The following ADAMTS9 variants were observed in gnomAD, a reference collection of about 807,000 sequenced individuals.
ADAMTS9 encodes A disintegrin and metalloproteinase with thrombospondin motifs 9.
In ADAMTS9, 107 loss-of-function variants were observed where a neutral mutation model predicts 257.1. The observed-to-expected ratio is 0.42, with a 90% CI of 0.36 to 0.49. The LOEUF is 0.49. ADAMTS9 is among the 20% of genes least tolerant of loss of function. ADAMTS9 has a pLI of 0.03. For synonymous variants in ADAMTS9, 982 were observed against 880.9 expected (o/e 1.11, Z -2.03); for missense variants, 2,353 against 2,469.1 (o/e 0.95, Z 1.00).
intron 22 of ADAMTS9, among the ~76,000 whole-genome samples, chr3:64,611,646 A>C (rs1161879849): frequency 1.3e-5 from 2 of 152,304 alleles, no homozygotes; most frequent in South Asian, 2.1e-4. Flanking sequence ...TAAGGAGTTC[A>C]CAACCTAGAT....
Position 64,616,175 on chromosome 3 carries a change from G to C in ADAMTS9, c.2814-5C>G. 6.2e-7 allele frequency: 1 copy of C among 1,613,882 alleles called. No homozygotes were observed. The highest frequency in any genetic ancestry group is 2.2e-5 in the East Asian group (1 of 44,866). ...CTCCTGCTGGCAACATGCCACCTAT[G>C]CAAAAATAATGGGGCAAAACCAACA... is the stretch of plus-strand genomic sequence containing the variant. On this transcript the variant is annotated splice_polypyrimidine_tract_variant and splice_region_variant and intron_variant, in intron 19 of 39. Transcript: ENST00000498707.
intron 30 of ADAMTS9, among the ~76,000 whole-genome samples, chr3:64,560,823 T>G (rs756737079): frequency 8.5e-5 from 13 of 152,158 alleles, no homozygotes; most frequent in Non-Finnish European, 1.3e-4. Flanking sequence ...CAGCATGCAT[T>G]TTGTTTTTTA....
intron 21 of ADAMTS9, 29 bp downstream of exon 21, chr3:64,615,292 T>C: frequency 1.2e-6 from 2 of 1,609,454 alleles, no homozygotes; most frequent in Non-Finnish European, 1.7e-6. Context: ...AGAGATGACC[T>C]AGGGGAAATA....
rs1309692457 is a variant in ADAMTS9, at chr3:64,541,592, T to C, written c.5226A>G (p.Val1742=). The C allele has an allele frequency of 3.1e-6, 5 of 1,614,012 alleles. No individual in the cohort carries two copies. Among genetic ancestry groups the C allele is most frequent in the African/African-American group, 1.3e-5 (1 of 74,906 alleles). Residue 1742 remains valine (V), a synonymous_variant, in exon 34 of 40, where the codon GTA becomes GTG. Coordinates refer to ENST00000498707, the MANE Select transcript of ADAMTS9 (RefSeq NM_182920.2). ...NCELPQNCKE[V]KRLKGASEDG... ...CTTCACTGGCACCTTTAAGTCTTTT[T>C]ACCTCCTTGCAATTCTGGGGTAACT...
intron 3 of ADAMTS9, 110 bp downstream of exon 3, chr3:64,681,091 A>G (rs959440699): frequency 7.9e-7 from 1 of 1,269,022 alleles, no homozygotes; most frequent in African/African-American, 1.5e-5. Flanking sequence ...TGAATAAACA[A>G]TAATGCATAT....
intron 28 of ADAMTS9, chr3:64,592,534 T>C (rs2084282342): frequency 6.6e-6 from 1 of 152,194 alleles, no homozygotes; most frequent in Non-Finnish European, 1.5e-5. Flanking sequence ...TTAGCGTATT[T>C]AGAAAGTGTT....
chr3:64,577,324 T>G (rs532005589), intron 28 of ADAMTS9, among the ~76,000 whole-genome samples: 125 of 152,270 alleles, frequency 8.2e-4, no homozygotes, highest in African/African-American at 2.0e-3. Flanking sequence ...ACACATTGCC[T>G]GTTTTTGTAG....
At chr3:64,663,208 T>C (rs74408026) in intron 3 of ADAMTS9, among the ~76,000 whole-genome samples, 1,776 of 152,220 alleles carry the variant, frequency 0.012, 27 homozygotes, top group African/African-American at 0.039. Flanking sequence ...TCTGTGGATA[T>C]ACCAAAGAAT....
intron 31 of ADAMTS9, among the ~76,000 whole-genome samples, chr3:64,549,113 C>T (rs907340772): frequency 6.6e-6 from 1 of 152,124 alleles, no homozygotes; most frequent in African/African-American, 2.4e-5. Flanking sequence ...CCTTTCGGCC[C>T]CTCTCCCCTC....
intron 6 of ADAMTS9, 77 bp downstream of exon 6, chr3:64,655,495 GCTGA>G (rs1701045418): frequency 4.2e-6 from 5 of 1,181,108 alleles, no homozygotes; most frequent in South Asian, 2.6e-5. Flanking sequence ...TCCACTAGCA[GCTGA>G]CTATTAGGAA....
intron 12 of ADAMTS9, among the ~76,000 whole-genome samples, chr3:64,635,144 C>T (rs1559803085): frequency 6.6e-6 from 1 of 152,258 alleles, no homozygotes; most frequent in Non-Finnish European, 1.5e-5. Flanking sequence ...CTCTGAGCAC[C>T]GAGGCAGGAC....
chr3:64,551,410 A>C (rs2083270022), intron 30 of ADAMTS9, among the ~76,000 whole-genome samples: 1 of 151,952 alleles, frequency 6.6e-6, no homozygotes, highest in African/African-American at 2.4e-5. Flanking sequence ...AGGGTTTCAC[A>C]GTATTAGCCA....
At chr3:64,544,238 T>C (rs2083167232) in intron 32 of ADAMTS9, among the ~76,000 whole-genome samples, 1 of 152,192 alleles carries the variant, frequency 6.6e-6, no homozygotes, top group Non-Finnish European at 1.5e-5. Flanking sequence ...TACCAATGCC[T>C]TTCTTCACAG....
chr3:64,652,230 A>T (rs1276337927), intron 8 of ADAMTS9, among the ~76,000 whole-genome samples: 2 of 152,246 alleles, frequency 1.3e-5, no homozygotes, highest in Non-Finnish European at 2.9e-5. Flanking sequence ...TGCATCATAT[A>T]AAAGTTGGAA....
At chr3:64,663,229 T>TATTC (rs1180106500) in intron 3 of ADAMTS9, among the ~76,000 whole-genome samples, 9 of 152,244 alleles carry the variant, frequency 5.9e-5, no homozygotes, top group Middle Eastern at 3.4e-3. Context: ...CATTAAACTG[T>TATTC]ACAGTTTAAA....
chr3:64,569,947 T>C (rs1005806670), intron 28 of ADAMTS9, among the ~76,000 whole-genome samples: 1 of 152,188 alleles, frequency 6.6e-6, no homozygotes, highest in Non-Finnish European at 1.5e-5. Flanking sequence ...TTGATCTATA[T>C]AAAGACTTTG....
intron 12 of ADAMTS9, among the ~76,000 whole-genome samples, chr3:64,638,021 A>T (rs1051262330): frequency 6.6e-6 from 1 of 152,214 alleles, no homozygotes. Context: ...TGAAATAGAC[A>T]TATGTCTTAA....
rs1236188394 is a variant in ADAMTS9, at chr3:64,633,374, G to A, written c.2175+98C>T. On this transcript the variant is annotated intron_variant, in intron 14 of 39. Coordinates refer to ENST00000498707, the MANE Select transcript of ADAMTS9 (RefSeq NM_182920.2). ...TTTGAGAACCACTGCCCTGGCAACAGTGCACAGATACTAGCAGTTGCTATT... is the reference window on the plus strand; with the variant it reads ...TTTGAGAACCACTGCCCTGGCAACAATGCACAGATACTAGCAGTTGCTATT... 9 of 1,536,422 alleles carry A rather than the reference G, an allele frequency of 5.9e-6. No homozygotes were observed. The East Asian group carries it at 2.0e-4, about 35-fold the overall frequency.
At chr3:64,621,386 G>A in intron 18 of ADAMTS9, 146 bp from the exon 19 acceptor site, 1 of 947,644 alleles carries the variant, frequency 1.1e-6, no homozygotes, top group Non-Finnish European at 1.5e-6. Flanking sequence ...ATTCAACCCT[G>A]ACATTACAGG....
Sources: gnomAD v4.1 joint callset for allele counts (sites outside exome capture counted in the v4.1 genomes callset) on GRCh38, gnomAD v4.1.1 for gene constraint, MANE v1.5 for transcripts, NCBI Gene and HGNC (gene_info 2026-07-23, HGNC 2026-07-21) for gene names.